CUX1: variants seen among roughly 807,000 people sequenced by gnomAD.
CUX1 encodes protein CASP.
Under a neutral mutation model 158.8 loss-of-function variants are expected in CUX1, and 31 were observed. The ratio of observed to expected loss-of-function variants is 0.20; its 90% confidence interval spans 0.15 to 0.26. The LOEUF is 0.26. CUX1 is among the 10% of genes least tolerant of loss of function. CUX1 has a pLI of 1.00. For missense variants in CUX1, 1,589 were observed against 2,014.6 expected (o/e 0.79, Z 4.04); for synonymous variants, 879 against 862.1 (o/e 1.02, Z -0.34).
intron 1 of CUX1, among the ~76,000 whole-genome samples, chr7:101,833,370 G>A (rs1252032667): frequency 1.3e-5 from 2 of 150,850 alleles, no homozygotes; most frequent in Non-Finnish European, 3.0e-5. Context: ...GCAACAGTGA[G>A]ACCCTGTCTC....
rs889071912 is a variant in CUX1, at chr7:102,063,672, C to T, written c.190-6667C>T. ...CCTCCCAAAGTGCTGGGATTACAGG[C>T]GTGAGCCACCGTGCCTTGTCAAGAA... On this transcript the variant is annotated intron_variant, in intron 3 of 23. Coordinates refer to ENST00000292535, the MANE Select transcript of CUX1 (RefSeq NM_181552.4). Among the ~76,000 whole-genome samples, 11 of 152,222 alleles carry T rather than the reference C, an allele frequency of 7.2e-5. No homozygotes were observed. The South Asian group carries it at 8.3e-4, about 11-fold the overall frequency.
chr7:102,099,475 G>T lies in CUX1; in HGVS notation c.406+1974G>T, dbSNP rs1366324573. Reference sequence around the variant, plus strand: ...CGCTACCCTAAAGGGGAGTATCCTGGTTTTTTTTTTTTTTCCCCTTCATTG... The same window carrying T: ...CGCTACCCTAAAGGGGAGTATCCTGTTTTTTTTTTTTTTTCCCCTTCATTG... On this transcript the variant is annotated intron_variant, in intron 5 of 23. Transcript: ENST00000292535. Among the ~76,000 whole-genome samples the T allele has an allele frequency of 7.9e-4, 113 of 142,812 alleles. 1 individual carries two copies. The East Asian group carries it at 0.014, about 17-fold the overall frequency. The allele number at this position is 142,812 out of a possible 152,430, so 93.7% of individuals were successfully genotyped here.
downstream of CUX1, among the ~76,000 whole-genome samples, chr7:102,262,688 C>A (rs1554544160): frequency 1.3e-5 from 2 of 152,162 alleles, no homozygotes; most frequent in African/African-American, 4.8e-5. Flanking sequence ...GTGGTAGATG[C>A]TTACATCAGA....
intron 8 of CUX1, among the ~76,000 whole-genome samples, chr7:102,140,843 G>A (rs189003035): frequency 1.2e-3 from 182 of 151,486 alleles, no homozygotes; most frequent in Admixed American, 2.0e-3. Flanking sequence ...CCAGCCTGGG[G>A]GATGGAGCGA....
At chr7:101,846,719 G>A (rs1795733952) in intron 1 of CUX1, among the ~76,000 whole-genome samples, 1 of 152,176 alleles carries the variant, frequency 6.6e-6, no homozygotes. Context: ...AGTAGGCCAA[G>A]GAGGTGCTAG....
At chr7:102,220,323 T>C (rs1797682087) in intron 20 of CUX1, among the ~76,000 whole-genome samples, 1 of 152,178 alleles carries the variant, frequency 6.6e-6, no homozygotes, top group African/African-American at 2.4e-5. Context: ...ATTGCACCAC[T>C]ACACTCCAGC....
At chr7:102,206,725 C>T (rs1554521413) in intron 20 of CUX1, among the ~76,000 whole-genome samples, 1 of 152,066 alleles carries the variant, frequency 6.6e-6, no homozygotes, top group Non-Finnish European at 1.5e-5. Context: ...GGTGAAACCC[C>T]GTCTCTACTA....
At chr7:101,827,878 G>A (rs1793528785) in intron 1 of CUX1, among the ~76,000 whole-genome samples, 1 of 152,050 alleles carries the variant, frequency 6.6e-6, no homozygotes, top group African/African-American at 2.4e-5. Flanking sequence ...GGAGGAAGAG[G>A]AGGCGTTGGT....
chr7:102,112,240 C>CTTTTTT (rs201695519), intron 7 of CUX1, among the ~76,000 whole-genome samples: 2 of 131,410 alleles, frequency 1.5e-5, no homozygotes, highest in African/African-American at 5.7e-5. Flanking sequence ...CTTTCTCTCT[C>CTTTTTT]TCTTTTTTTT....
chr7:102,051,184 CTTTG>C (rs978185492), intron 3 of CUX1, among the ~76,000 whole-genome samples: 3 of 152,164 alleles, frequency 2.0e-5, no homozygotes, highest in South Asian at 4.1e-4. Context: ...GAGCAGGCCA[CTTTG>C]TTTGAACACG....
intron 8 of CUX1, among the ~76,000 whole-genome samples, chr7:102,138,242 CTTTT>C (rs1834104154): frequency 6.6e-6 from 1 of 152,104 alleles, no homozygotes. Context: ...TTCTACCACC[CTTTT>C]TGGATTTTTA....
intron 1 of CUX1, among the ~76,000 whole-genome samples, chr7:101,891,295 T>C (rs1353275848): frequency 6.6e-6 from 1 of 152,194 alleles, no homozygotes; most frequent in Non-Finnish European, 1.5e-5. Flanking sequence ...CACAAGTCAC[T>C]GTGGCCTCTA....
chr7:101,866,023 T>C (rs1389773658), intron 1 of CUX1, among the ~76,000 whole-genome samples: 1 of 151,682 alleles, frequency 6.6e-6, no homozygotes, highest in African/African-American at 2.4e-5. Context: ...TATTTCAAGG[T>C]CTCAAATTAA....
chr7:101,911,916 A>G (rs916466144), intron 1 of CUX1, among the ~76,000 whole-genome samples: 5 of 152,198 alleles, frequency 3.3e-5, no homozygotes, highest in African/African-American at 1.2e-4. Context: ...TCTCTTAGAA[A>G]GATAAAAACA....
chr7:101,832,553 C>T (rs1794163108), intron 1 of CUX1, among the ~76,000 whole-genome samples: 2 of 152,186 alleles, frequency 1.3e-5, no homozygotes, highest in South Asian at 2.1e-4. Flanking sequence ...CGGCGTTGGA[C>T]GTGACTCACG....
chr7:102,246,610 C>T (rs879949795), intron 23 of CUX1, among the ~76,000 whole-genome samples: 3 of 151,536 alleles, frequency 2.0e-5, no homozygotes, highest in Non-Finnish European at 2.9e-5. Flanking sequence ...CTTGCTCTGT[C>T]GCCCAGGCTG....
At chr7:102,195,100 A>G (rs1794650243) in intron 13 of CUX1, among the ~76,000 whole-genome samples, 1 of 146,072 alleles carries the variant, frequency 6.8e-6, no homozygotes, top group African/African-American at 2.6e-5. Context: ...AAGACAGCCA[A>G]CATCTTTGTG....
chr7:101,832,046 C>T (rs1264045191), intron 1 of CUX1, among the ~76,000 whole-genome samples: 2 of 152,132 alleles, frequency 1.3e-5, no homozygotes, highest in Non-Finnish European at 2.9e-5. Flanking sequence ...CATGCCTAGC[C>T]CCGATTTTTA....
chr7:102,121,594 C>A (rs868975486), intron 8 of CUX1, among the ~76,000 whole-genome samples: 1 of 152,138 alleles, frequency 6.6e-6, no homozygotes, highest in African/African-American at 2.4e-5. Flanking sequence ...GATCTGCCCG[C>A]CTTGGCCTCC....
Sources: gnomAD v4.1 joint callset for allele counts (sites outside exome capture counted in the v4.1 genomes callset) on GRCh38, gnomAD v4.1.1 for gene constraint, MANE v1.5 for transcripts, NCBI Gene and HGNC (gene_info 2026-07-23, HGNC 2026-07-21) for gene names.